CFAP36: variants seen among roughly 807,000 people sequenced by gnomAD.
CFAP36 encodes the protein cilia- and flagella-associated protein 36.
Under a neutral mutation model 50.5 loss-of-function variants are expected in CFAP36, and 37 were observed. The observed-to-expected ratio is 0.73, with a 90% CI of 0.56 to 0.96. CFAP36 has a LOEUF of 0.96. Ranked by LOEUF, CFAP36 falls within the 50% of genes least tolerant of loss-of-function variation. The pLI is 0.00. For synonymous variants in CFAP36, 138 were observed against 128.2 expected (o/e 1.08, Z -0.52); for missense variants, 407 against 396.2 (o/e 1.03, Z -0.23).
At chr2:55,522,208 A>G in intron 2 of CFAP36, 42 bp downstream of exon 2, 2 of 988,872 alleles carry the variant, frequency 2.0e-6, no homozygotes, top group Non-Finnish European at 3.1e-6. Flanking sequence ...TAATTAGGCT[A>G]ATACTACTTA....
chr2:55,528,828 A>G (rs1241235801), intron 3 of CFAP36, 50 bp from the exon 4 acceptor site: 5 of 1,085,630 alleles, frequency 4.6e-6, no homozygotes, highest in Non-Finnish European at 6.9e-6. Flanking sequence ...ATGTATGGGT[A>G]ATAGTTTTAA....
intron 3 of CFAP36, among the ~76,000 whole-genome samples, chr2:55,527,538 C>T (rs111593032): frequency 0.023 from 3,520 of 151,882 alleles, 70 homozygotes; most frequent in South Asian, 0.1. Flanking sequence ...GCTGAGATCG[C>T]GCCACTGCAC....
intron 3 of CFAP36, among the ~76,000 whole-genome samples, chr2:55,525,279 C>A (rs1684176650): frequency 6.6e-6 from 1 of 151,992 alleles, no homozygotes; most frequent in South Asian, 2.1e-4. Context: ...TAGTGAGACC[C>A]CATCTTTAAA....
chr2:55,541,644 C>A (rs1294049430), intron 7 of CFAP36, among the ~76,000 whole-genome samples: 1 of 152,142 alleles, frequency 6.6e-6, no homozygotes, highest in Non-Finnish European at 1.5e-5. Flanking sequence ...ATGTGTTCTG[C>A]AAATAAAGAC....
In CFAP36 at chr2:55,519,820, G is replaced by C. The variant is rs776050268; in HGVS notation, c.19G>C (p.Asp7His). 1 of 1,614,258 alleles carries C rather than the reference G, an allele frequency of 6.2e-7. No individual in the cohort carries two copies. The highest frequency in any genetic ancestry group is 8.5e-7 in the Non-Finnish European group (1 of 1,180,056). MAAEEEDEVEWVVESIA... is the reference protein window; with the variant it reads MAAEEEHEVEWVVESIA... Reference sequence around the variant, plus strand: ...GGGCGGGATGGCTGCGGAAGAAGAAGACGAGGTGGAGTGGGTAGTGGAGAG... The same window carrying C: ...GGGCGGGATGGCTGCGGAAGAAGAACACGAGGTGGAGTGGGTAGTGGAGAG... Residue 7 changes from aspartate (D) to histidine (H), a missense_variant, in exon 1 of 10, where the codon GAC becomes CAC. Transcript: ENST00000349456.
chr2:55,533,915 G>A lies in CFAP36; in HGVS notation c.440G>A (p.Ser147Asn), dbSNP rs752767301. The change falls in exon 5 of 10, where the codon AGT becomes AAT. Residue 147 changes from serine (S) to asparagine (N), a missense_variant. Coordinates refer to ENST00000349456, the MANE Select transcript of CFAP36 (RefSeq NM_080667.7). ...DCLTDGSDVV[S>N]DLEHEEMKIL... ...TTAACCGATGGCTCTGATGTGGTCA[G>A]TGACCTTGAACACGAAGAGATGAAA... 3 of 1,611,724 alleles carry A rather than the reference G, an allele frequency of 1.9e-6. No homozygotes were observed. The highest frequency in any genetic ancestry group is 1.3e-5 in the African/African-American group (1 of 74,848).
intron 7 of CFAP36, chr2:55,538,784 G>A (rs924857718): frequency 3.1e-5 from 48 of 1,544,826 alleles, no homozygotes; most frequent in Non-Finnish European, 3.8e-5. Flanking sequence ...GAAGCTGAGC[G>A]ACTTGTCCAA....
At chr2:55,525,079 C>T (rs1041848852) in intron 3 of CFAP36, among the ~76,000 whole-genome samples, 6 of 152,118 alleles carry the variant, frequency 3.9e-5, no homozygotes, top group African/African-American at 7.2e-5. Context: ...CCAGTATCCC[C>T]AGCCCAGGCA....
chr2:55,521,423 G>A (rs1054689153), intron 1 of CFAP36, among the ~76,000 whole-genome samples: 1 of 151,564 alleles, frequency 6.6e-6, no homozygotes, highest in East Asian at 1.9e-4. Context: ...AAAATAATAT[G>A]GAACCTATTG....
intron 7 of CFAP36, among the ~76,000 whole-genome samples, chr2:55,540,798 C>G (rs1433654334): frequency 6.6e-6 from 1 of 151,986 alleles, no homozygotes; most frequent in Admixed American, 6.5e-5. Context: ...ACTGTTCGAG[C>G]TCAGGAGTTC....
intron 3 of CFAP36, among the ~76,000 whole-genome samples, chr2:55,528,638 T>G (rs1365721610): frequency 6.6e-6 from 1 of 152,146 alleles, no homozygotes; most frequent in Non-Finnish European, 1.5e-5. Flanking sequence ...TCAAGTGTTC[T>G]GCCTGCCTCA....
In CFAP36 at chr2:55,543,967, A is replaced by T; in HGVS notation, c.670A>T (p.Ile224Leu). The part of the protein sequence containing the change: ...EVKMHFANQS[I>L]EPLGRKVERS... ...TAAAATGCATTTTGCTAATCAGTCAATAGAACCTTTGGGAAGAAAAGTGGA... is the reference window on the plus strand; with the variant it reads ...TAAAATGCATTTTGCTAATCAGTCATTAGAACCTTTGGGAAGAAAAGTGGA... Residue 224 changes from isoleucine (I) to leucine (L), a missense_variant, in exon 8 of 10, where the codon ATA (isoleucine) becomes TTA (leucine). Physicochemically the swap from Ile to Leu is conservative, Grantham distance 5. Transcript: ENST00000349456. 6.2e-7 allele frequency: 1 copy of T among 1,613,814 alleles called. No individual in the cohort carries two copies. The highest frequency in any genetic ancestry group is 8.5e-7 in the Non-Finnish European group (1 of 1,179,770).
chr2:55,520,411 G>A lies in CFAP36; in HGVS notation c.115+495G>A, dbSNP rs779553144. The A allele has an allele frequency of 5.8e-6, 9 of 1,545,266 alleles. No homozygotes were observed. In the South Asian group the frequency reaches 1.1e-4, roughly 19 times the overall value. ...TTTCACTCCAAACCAACAGTTAACT[G>A]CAAAGGAGGGCATGTGATAACTCCA... is the stretch of plus-strand genomic sequence containing the variant. On this transcript the variant is annotated intron_variant, in intron 1 of 9. Coordinates refer to ENST00000349456, the MANE Select transcript of CFAP36 (RefSeq NM_080667.7).
intron 3 of CFAP36, among the ~76,000 whole-genome samples, chr2:55,525,187 C>T (rs915526126): frequency 6.6e-6 from 1 of 152,098 alleles, no homozygotes; most frequent in Non-Finnish European, 1.5e-5. Context: ...GGAAGTGGCT[C>T]ATGCCTATAA....
At chr2:55,532,244 CCTGA>C (rs1387810530) in intron 4 of CFAP36, among the ~76,000 whole-genome samples, 3 of 151,710 alleles carry the variant, frequency 2.0e-5, no homozygotes, top group African/African-American at 4.8e-5. Context: ...AAGAATGTTG[CCTGA>C]CTAAGATCCA....
chr2:55,544,972 T>A lies in CFAP36; in HGVS notation c.993T>A (p.Leu331=), dbSNP rs1684733589. The change falls in exon 10 of 10, where the codon CTT becomes CTA. Residue 331 remains leucine (L), a synonymous_variant. Transcript: ENST00000349456. ...AAACATTACTAAAGAGGAGATTGCT[T>A]GCAGAGAAACTCAAAGAAGAAGTTA... The part of the protein sequence containing the change: ...EKQTLLKRRL[L]AEKLKEEVIN... 1 of 1,603,962 alleles carries A rather than the reference T, an allele frequency of 6.2e-7. No individual in the cohort carries two copies. The highest frequency in any genetic ancestry group is 8.5e-7 in the Non-Finnish European group (1 of 1,175,464).
intron 1 of CFAP36, 72 bp downstream of exon 1, chr2:55,519,988 C>A: frequency 1.4e-6 from 2 of 1,405,710 alleles, no homozygotes; most frequent in Non-Finnish European, 2.0e-6. Context: ...GGGTTGGTAA[C>A]CACAAGCCAT....
intron 1 of CFAP36, among the ~76,000 whole-genome samples, chr2:55,521,609 G>GTT (rs1419009995): frequency 1.3e-5 from 2 of 150,164 alleles, no homozygotes; most frequent in Non-Finnish European, 3.0e-5. Context: ...GTGTGTGTGT[G>GTT]TGTGTGTGTG....
intron 7 of CFAP36, among the ~76,000 whole-genome samples, chr2:55,541,638 G>A (rs1684641750): frequency 1.3e-5 from 2 of 152,078 alleles, no homozygotes; most frequent in Non-Finnish European, 2.9e-5. Context: ...ATGATCATGT[G>A]TTCTGCAAAT....
Sources: allele counts gnomAD v4.1 joint callset (sites outside exome capture counted in the v4.1 genomes callset), GRCh38; gene constraint gnomAD v4.1.1; transcripts MANE v1.5; gene names NCBI Gene and HGNC (gene_info 2026-07-23, HGNC 2026-07-21).